The following SMCHD1 variants were observed in gnomAD, a reference collection of about 807,000 sequenced individuals.
SMCHD1 encodes structural maintenance of chromosomes flexible hinge domain-containing protein 1.
A neutral mutation model predicts 254.7 loss-of-function variants in SMCHD1; 78 were observed. That is an observed-to-expected ratio of 0.31 (90% confidence interval 0.26 to 0.37). SMCHD1 has a LOEUF of 0.37. Ranked by LOEUF, SMCHD1 falls within the 10% of genes least tolerant of loss-of-function variation. The pLI is 1.00. For missense variants in SMCHD1, 1,840 were observed against 2,408.1 expected, an observed-to-expected ratio of 0.76 and a Z score of 4.94; for synonymous variants, 766 against 794.9, an observed-to-expected ratio of 0.96 and a Z score of 0.61.
chr18:2,666,119 T>C (rs757800306), intron 1 of SMCHD1, 38 bp from the exon 2 acceptor site: 25 of 929,420 alleles, frequency 2.7e-5, no homozygotes, highest in Non-Finnish European at 4.2e-5. Context: ...ATTTATTTCC[T>C]TTGTGTAATA....
At chr18:2,738,267 G>A in intron 25 of SMCHD1, 130 bp from the exon 26 acceptor site, 5 of 777,846 alleles carry the variant, frequency 6.4e-6, no homozygotes, top group Non-Finnish European at 9.6e-6. Flanking sequence ...CACCGTTTCT[G>A]ACCATAAAGA....
intron 12 of SMCHD1, 137 bp downstream of exon 12, chr18:2,701,055 A>C (rs2074388127): frequency 1.7e-6 from 1 of 587,862 alleles, no homozygotes; most frequent in African/African-American, 1.9e-5. Context: ...ATGAGCAGTC[A>C]AGTGTTCACA....
chr18:2,708,485 C>T (rs112592594), intron 17 of SMCHD1, among the ~76,000 whole-genome samples: 7,378 of 152,050 alleles, frequency 0.049, 557 homozygotes, highest in African/African-American at 0.17. Context: ...GAGCTATGAT[C>T]ACGCCACTGC....
Position 2,717,773 on chromosome 18 carries a change from A to G in SMCHD1, c.2261-385A>G, listed in dbSNP as rs535760139. Reference sequence around the variant, plus strand: ...TGGTCATGTTACCTACTTGATAAACATTTCGGATTTGTTCATGAATTGCCT... The same window carrying G: ...TGGTCATGTTACCTACTTGATAAACGTTTCGGATTTGTTCATGAATTGCCT... On this transcript the variant is annotated intron_variant, in intron 17 of 47. Transcript: ENST00000320876. Among the ~76,000 whole-genome samples, 14 of 152,096 alleles carry G rather than the reference A, an allele frequency of 9.2e-5. No individual in the cohort carries two copies. The South Asian group carries it at 2.9e-3, about 32-fold the overall frequency.
intron 8 of SMCHD1, among the ~76,000 whole-genome samples, chr18:2,695,048 A>G (rs2143123985): frequency 7.4e-5 from 1 of 13,572 alleles, no homozygotes; most frequent in African/African-American, 1.4e-4. Context: ...CATACCATAT[A>G]TATTTATTTT....
At chr18:2,765,685 T>C (rs1044172754) in intron 37 of SMCHD1, among the ~76,000 whole-genome samples, 4 of 152,266 alleles carry the variant, frequency 2.6e-5, no homozygotes, top group African/African-American at 9.6e-5. Flanking sequence ...TGACTGCTCC[T>C]GTCAGTGTGT....
intron 1 of SMCHD1, among the ~76,000 whole-genome samples, chr18:2,661,855 A>G (rs974273912): frequency 2.0e-5 from 3 of 152,156 alleles, no homozygotes; most frequent in African/African-American, 7.2e-5. Flanking sequence ...ACTCAAAAAA[A>G]TCTGTAAAAA....
chr18:2,770,210 T>G, intron 39 of SMCHD1, 102 bp downstream of exon 39: 1 of 1,196,808 alleles, frequency 8.4e-7, no homozygotes, highest in Non-Finnish European at 1.1e-6. Flanking sequence ...AAATTACAAG[T>G]AAAATACAGA....
chr18:2,793,986 C>T (rs2076216362), intron 45 of SMCHD1, among the ~76,000 whole-genome samples: 1 of 152,128 alleles, frequency 6.6e-6, no homozygotes, highest in South Asian at 2.1e-4. Flanking sequence ...TACTTATAAA[C>T]TACTTATATA....
chr18:2,707,937 AT>A lies in SMCHD1; in HGVS notation c.2260+20del. 1 of 1,376,822 alleles carries A rather than the reference AT, an allele frequency of 7.3e-7. No individual in the cohort carries two copies. Among genetic ancestry groups the A allele is most frequent in the Non-Finnish European group, 9.9e-7 (1 of 1,007,998 alleles). The allele number at this position is 1,376,822 out of a possible 1,614,324, so 85.3% of individuals were successfully genotyped here. On this transcript the variant is annotated intron_variant, in intron 17 of 47. Transcript: ENST00000320876. The stretch of plus-strand genomic sequence containing the variant: ...TTTTACATTGTAAGTATACAAACTA[AT>A]TTAGATCTTTAATATTGTTTTTAAA...
intron 19 of SMCHD1, 86 bp from the exon 20 acceptor site, chr18:2,722,433 C>T: frequency 9.0e-7 from 1 of 1,105,350 alleles, no homozygotes; most frequent in Non-Finnish European, 1.3e-6. Flanking sequence ...TAAAATTTCT[C>T]AGATAGAAAT....
In SMCHD1 at chr18:2,750,141, A is replaced by G. The variant is rs901616496; in HGVS notation, c.4007+19A>G. ...CCCCTAGGTAAGAACCAAAAGTTTG[A>G]TAGTTGTTGGTGTTATAGAGATTCG... On this transcript the variant is annotated intron_variant, in intron 31 of 47. Coordinates refer to ENST00000320876, the MANE Select transcript of SMCHD1 (RefSeq NM_015295.3). The G allele has an allele frequency of 1.9e-6, 3 of 1,566,224 alleles. No individual in the cohort carries two copies. The highest frequency in any genetic ancestry group is 2.6e-6 in the Non-Finnish European group (3 of 1,153,412).
chr18:2,719,926 C>T (rs923235067), intron 19 of SMCHD1, among the ~76,000 whole-genome samples: 3 of 152,190 alleles, frequency 2.0e-5, no homozygotes, highest in African/African-American at 7.2e-5. Flanking sequence ...CCGCCAGCCT[C>T]GGCCTCCCAA....
chr18:2,700,938 AGTT>A lies in SMCHD1; in HGVS notation c.1647+23_1647+25del, dbSNP rs1338580289. 2 of 1,492,060 alleles carry A rather than the reference AGTT, an allele frequency of 1.3e-6. No homozygotes were observed. The highest frequency in any genetic ancestry group is 1.4e-5 in the African/African-American group (1 of 71,172). The allele number at this position is 1,492,060 out of a possible 1,614,324, so 92.4% of individuals were successfully genotyped here. A position where few individuals can be genotyped will look rare whatever the true frequency, so the allele number is the denominator to read the frequency against. ...GGACAGGTATGATTTTTAAATATAA[AGTT>A]GTGAATATTTGCAAATGTTTTATTT... On this transcript the variant is annotated intron_variant, in intron 12 of 47. Transcript: ENST00000320876.
chr18:2,693,074 T>C (rs12964997), intron 7 of SMCHD1, among the ~76,000 whole-genome samples: 1 of 152,328 alleles, frequency 6.6e-6, no homozygotes, highest in East Asian at 1.9e-4. Context: ...CTTAAGGATT[T>C]ATTGTTTTTT....
chr18:2,758,072 A>G (rs981064693), intron 34 of SMCHD1, among the ~76,000 whole-genome samples: 12 of 152,052 alleles, frequency 7.9e-5, no homozygotes, highest in African/African-American at 2.7e-4. Flanking sequence ...ATAGATAGAT[A>G]TATTCTTTTA....
chr18:2,778,455 A>G (rs1477287623), intron 44 of SMCHD1, among the ~76,000 whole-genome samples: 1 of 152,240 alleles, frequency 6.6e-6, no homozygotes, highest in Non-Finnish European at 1.5e-5. Context: ...TAAGACTCAA[A>G]ACAGTGTCTG....
intron 44 of SMCHD1, among the ~76,000 whole-genome samples, chr18:2,780,238 TAAAAAAAAAAAA>T (rs56804553): frequency 2.9e-5 from 2 of 69,352 alleles, no homozygotes; most frequent in Non-Finnish European, 5.0e-5. Flanking sequence ...AGACTCTATC[TAAAAAAAAAAAA>T]AAAAAAAAAA....
intron 30 of SMCHD1, among the ~76,000 whole-genome samples, 162 bp from the exon 31 acceptor site, chr18:2,749,881 C>T (rs1265709751): frequency 6.6e-6 from 1 of 152,116 alleles, no homozygotes; most frequent in Non-Finnish European, 1.5e-5. Context: ...TTACATACTA[C>T]ATTATTCCAA....
Sources: allele counts gnomAD v4.1 joint callset (sites outside exome capture counted in the v4.1 genomes callset), GRCh38; gene constraint gnomAD v4.1.1; transcripts MANE v1.5; gene names NCBI Gene and HGNC (gene_info 2026-07-23, HGNC 2026-07-21).